SLC38A12: variants seen among roughly 807,000 people sequenced by gnomAD.
SLC38A12 encodes the protein solute carrier family 38 member 12.
the SLC38A12 span, among the ~76,000 whole-genome samples, chr17:74,812,631 G>A: frequency 0.021 from 3,203 of 151,888 alleles, 98 homozygotes; most frequent in African/African-American, 0.073. Context: ...CAGGGAGCTC[G>A]GCTGTGCGAT....
At chr17:74,801,861 G>A in the SLC38A12 span, among the ~76,000 whole-genome samples, 734 of 152,016 alleles carry the variant, frequency 4.8e-3, 4 homozygotes, top group African/African-American at 0.017. Flanking sequence ...CTTGTCTTCC[G>A]TGTGCTTTCC....
chr17:74,803,654 C>T, the SLC38A12 span, among the ~76,000 whole-genome samples: 2 of 152,320 alleles, frequency 1.3e-5, no homozygotes, highest in African/African-American at 4.8e-5. Flanking sequence ...GTGTGCCTCA[C>T]TTCCCAAGCC....
the SLC38A12 span, among the ~76,000 whole-genome samples, chr17:74,787,522 T>C: frequency 6.6e-6 from 1 of 150,674 alleles, no homozygotes; most frequent in Admixed American, 6.6e-5. Flanking sequence ...CTCGGGAGGC[T>C]GAGGCAGGAG....
At chr17:74,832,917 T>C in the SLC38A12 span, among the ~76,000 whole-genome samples, 4 of 152,264 alleles carry the variant, frequency 2.6e-5, no homozygotes, top group Non-Finnish European at 5.9e-5. Flanking sequence ...AAGAATGAAA[T>C]GGGTGACTAA....
the SLC38A12 span, among the ~76,000 whole-genome samples, chr17:74,828,531 C>CTGGGCAGGGACCGT: frequency 6.6e-6 from 1 of 152,170 alleles, no homozygotes. Context: ...GAGGGGGCTT[C>CTGGGCAGGGACCGT]TGGGCAGGGA....
chr17:74,839,324 T>C, the SLC38A12 span: 1 of 759,494 alleles, frequency 1.3e-6, no homozygotes, highest in Non-Finnish European at 2.0e-6. Context: ...GTCAGAGTGG[T>C]GGGGAGGACA....
At chr17:74,801,233 C>G in the SLC38A12 span, among the ~76,000 whole-genome samples, 1 of 152,238 alleles carries the variant, frequency 6.6e-6, no homozygotes, top group Non-Finnish European at 1.5e-5. Flanking sequence ...TCTGGAGACT[C>G]TAGAAAGGTC....
At chr17:74,795,180 G>A in the SLC38A12 span, 130 of 1,312,056 alleles carry the variant, frequency 9.9e-5, no homozygotes, top group Middle Eastern at 2.0e-4. Flanking sequence ...AGGGCAGAGT[G>A]TCCAGGGGAG....
the SLC38A12 span, among the ~76,000 whole-genome samples, chr17:74,826,500 T>C: frequency 6.6e-6 from 1 of 152,192 alleles, no homozygotes; most frequent in African/African-American, 2.4e-5. Flanking sequence ...TCAGTTGGCT[T>C]TAGATTCCCT....
chr17:74,833,445 G>A, the SLC38A12 span, among the ~76,000 whole-genome samples: 1 of 152,358 alleles, frequency 6.6e-6, no homozygotes, highest in Non-Finnish European at 1.5e-5. Flanking sequence ...GGGTGTATGT[G>A]TGTGTGTACA....
At chr17:74,829,540 A>T in the SLC38A12 span, among the ~76,000 whole-genome samples, 2 of 152,088 alleles carry the variant, frequency 1.3e-5, no homozygotes, top group Non-Finnish European at 2.9e-5. The surrounding 1 kb of genome is among the most constrained non-coding windows in gnomAD (Gnocchi z 4.1). Context: ...TCAGAGCCCA[A>T]TGGGTTTGTT....
chr17:74,790,405 C>A, the SLC38A12 span: 1 of 991,920 alleles, frequency 1.0e-6, no homozygotes, highest in Non-Finnish European at 1.6e-6. Context: ...GCATTTCCTG[C>A]CCCTGGGTTC....
the SLC38A12 span, chr17:74,819,968 G>A: frequency 1.2e-5 from 10 of 809,798 alleles, no homozygotes; most frequent in South Asian, 1.6e-4. Context: ...CATTGACTCA[G>A]GCCTGTCTGG....
the SLC38A12 span, among the ~76,000 whole-genome samples, chr17:74,796,652 G>C: frequency 6.6e-6 from 1 of 152,244 alleles, no homozygotes; most frequent in Non-Finnish European, 1.5e-5. Flanking sequence ...CTCTGGAGCA[G>C]TCAGCTAATG....
At chr17:74,823,674 C>T in the SLC38A12 span, among the ~76,000 whole-genome samples, 1 of 152,306 alleles carries the variant, frequency 6.6e-6, no homozygotes, top group East Asian at 1.9e-4. Flanking sequence ...GTGTGCTGTC[C>T]CCAGCAGTGA....
At chr17:74,797,507 G>T in the SLC38A12 span, among the ~76,000 whole-genome samples, 4 of 152,186 alleles carry the variant, frequency 2.6e-5, no homozygotes, top group Non-Finnish European at 4.4e-5. Flanking sequence ...CCAGTCCCCT[G>T]CTGGGGGCTT....
chr17:74,802,293 A>G, the SLC38A12 span, among the ~76,000 whole-genome samples: 34,797 of 152,042 alleles, frequency 0.23, 4,517 homozygotes, highest in East Asian at 0.41. Context: ...GCCAATACCT[A>G]TGCGCCAGTT....
chr17:74,789,394 A>G, the SLC38A12 span, among the ~76,000 whole-genome samples: 2 of 152,018 alleles, frequency 1.3e-5, no homozygotes, highest in South Asian at 4.2e-4. Context: ...GCCTGGCATG[A>G]TGATGTGTGC....
At chr17:74,828,516 TGGGGGAG>T in the SLC38A12 span, among the ~76,000 whole-genome samples, 1 of 152,122 alleles carries the variant, frequency 6.6e-6, no homozygotes, top group African/African-American at 2.4e-5. Context: ...ATGAGCGGGC[TGGGGGAG>T]GGGGCTTCTG....
Sources: allele counts gnomAD v4.1 joint callset (sites outside exome capture counted in the v4.1 genomes callset), GRCh38; gene constraint gnomAD v4.1.1; non-coding constraint Gnocchi (gnomAD v3.1); transcripts MANE v1.5; gene names NCBI Gene and HGNC (gene_info 2026-07-23, HGNC 2026-07-21).